The following L2HGDH variants were observed in gnomAD, a reference collection of about 807,000 sequenced individuals.
L2HGDH encodes the protein L-2-hydroxyglutarate dehydrogenase, mitochondrial.
Under a neutral mutation model 51.5 loss-of-function variants are expected in L2HGDH, and 34 were observed. The observed-to-expected ratio is 0.66, with a 90% CI of 0.50 to 0.88. The LOEUF is 0.88. Ranked by LOEUF, L2HGDH falls within the 40% of genes least tolerant of loss-of-function variation. The pLI is 0.00. For missense variants in L2HGDH, 558 were observed against 571.9 expected (o/e 0.98, Z 0.25); for synonymous variants, 198 against 197.9 (o/e 1.00, Z -0.01).
At position 50,302,180 on chromosome 14, in the gene L2HGDH, G is replaced by C; in HGVS notation, c.257-12C>G. 1 of 1,613,494 alleles carries C rather than the reference G, an allele frequency of 6.2e-7. No individual in the cohort carries two copies. Among genetic ancestry groups the C allele is most frequent in the Non-Finnish European group, 8.5e-7 (1 of 1,179,474 alleles). On this transcript the variant is annotated splice_polypyrimidine_tract_variant and intron_variant, in intron 2 of 9. Transcript: ENST00000267436. ...AGTCTGGTGAACAGCTACAGAACAA[G>C]AGAAACAGGGTAAGAGTAAGTACAT...
At chr14:50,256,874 C>G (rs534754351) in intron 9 of L2HGDH, among the ~76,000 whole-genome samples, 1 of 152,212 alleles carries the variant, frequency 6.6e-6, no homozygotes, top group Middle Eastern at 3.4e-3. Flanking sequence ...TGCCTCTTCT[C>G]AATTTCTCTG....
chr14:50,242,779 A>G lies in L2HGDH; in HGVS notation c.*4279T>C. ...AACTGACTTTACGATTACAACTCAA[A>G]AATGTTTACAAGATCTTTAGATAAT... On this transcript the variant is annotated 3_prime_UTR_variant, in exon 10 of 10. Transcript: ENST00000267436. The G allele has an allele frequency of 1.0e-6, 1 of 985,472 alleles. No individual in the cohort carries two copies. Among genetic ancestry groups the G allele is most frequent in the Non-Finnish European group, 1.2e-6 (1 of 829,944 alleles). 61.0% of individuals were successfully genotyped at this position (985,472 alleles called of 1,614,324 possible). A position where few individuals can be genotyped will look rare whatever the true frequency, so the allele number is the denominator to read the frequency against.
chr14:50,300,041 T>C (rs2030312588), intron 3 of L2HGDH: 1 of 152,160 alleles, frequency 6.6e-6, no homozygotes, highest in Admixed American at 6.5e-5. Flanking sequence ...GAGAGTGGAA[T>C]GGTGGTTACC....
rs767481066 is a variant in L2HGDH at position 50,283,987 on chromosome 14, C to G, written c.587G>C (p.Arg196Pro). Residue 196 changes from arginine to proline, a missense_variant, in exon 5 of 10, where the codon CGG (arginine) becomes CCG (proline). By Grantham distance (103) the Arg-to-Pro change is moderately radical. Around this residue, in one of 3 missense-constraint regions of L2HGDH, gnomAD observed 43 missense variants for 72.9 expected, o/e 0.59. Transcript: ENST00000267436. ...DCPHTGIVDY[R>P]QVALSFAQDF... ...CTGGGCAAATGACAAAGCCACCTGC[C>G]GATAGTCCACAATGCCAGTATGTGG... The G allele has an allele frequency of 1.9e-6, 3 of 1,614,046 alleles. No homozygotes were observed. Among genetic ancestry groups the G allele is most frequent in the East Asian group, 2.2e-5 (1 of 44,878 alleles).
intron 6 of L2HGDH, among the ~76,000 whole-genome samples, chr14:50,271,986 C>G (rs753116297): frequency 6.6e-6 from 1 of 152,032 alleles, no homozygotes; most frequent in Non-Finnish European, 1.5e-5. Context: ...ACTAAAAATA[C>G]AAAAATTAAC....
rs529872625 is a variant in L2HGDH at position 50,260,244 on chromosome 14, G to T, written c.1196+5114C>A. ...TTTTTTTCCAGACTTCCTTTCTTCT[G>T]AGGGTATAGCCTTTCAAGAGCCCCT... On this transcript the variant is annotated intron_variant, in intron 9 of 9. Coordinates refer to ENST00000267436, the MANE Select transcript of L2HGDH (RefSeq NM_024884.3). Among the ~76,000 whole-genome samples, 46 of 151,522 alleles carry T rather than the reference G, an allele frequency of 3.0e-4. 3 individuals carry two copies. Among genetic ancestry groups the T allele is most frequent in the Middle Eastern group, 3.8e-3 (1 of 260 alleles).
At chr14:50,248,655 C>G (rs1888150776) in intron 9 of L2HGDH, among the ~76,000 whole-genome samples, 1 of 152,158 alleles carries the variant, frequency 6.6e-6, no homozygotes, top group Non-Finnish European at 1.5e-5. Context: ...GTGATCTTCC[C>G]TATAGAATCC....
At chr14:50,294,333 A>G in intron 3 of L2HGDH, 87 bp from the exon 4 acceptor site, 1 of 1,367,498 alleles carries the variant, frequency 7.3e-7, no homozygotes, top group African/African-American at 1.4e-5. Flanking sequence ...ATCATCAACT[A>G]TTGTATGACC....
chr14:50,260,805 G>A (rs11157733), intron 9 of L2HGDH, among the ~76,000 whole-genome samples: 26,766 of 152,036 alleles, frequency 0.18, 2,512 homozygotes, highest in East Asian at 0.44. Context: ...ATGAGTAGAG[G>A]CTGGGGATGC....
intron 9 of L2HGDH, 75 bp downstream of exon 9, chr14:50,265,283 A>T: frequency 7.7e-7 from 1 of 1,300,916 alleles, no homozygotes; most frequent in Non-Finnish European, 1.1e-6. Context: ...GTACTTACTA[A>T]TCACCAAGTC....
At chr14:50,285,389 C>T (rs1279717949) in intron 4 of L2HGDH, among the ~76,000 whole-genome samples, 1 of 152,184 alleles carries the variant, frequency 6.6e-6, no homozygotes, top group Non-Finnish European at 1.5e-5. Context: ...TCATCATTTT[C>T]CTGACAGTCT....
rs1241021279 is a variant in L2HGDH, at chr14:50,312,189, G to A, written c.-39C>T. ...TCCCCTCCCTCAGCGCTCAGAAGAA[G>A]CCACTTGACCCTCCACGGCCGAGGA... On this transcript the variant is annotated 5_prime_UTR_variant, in exon 1 of 10. Transcript: ENST00000267436. 1.2e-6 allele frequency: 2 copies of A among 1,605,626 alleles called. No individual in the cohort carries two copies. The highest frequency in any genetic ancestry group is 1.7e-5 in the Admixed American group (1 of 59,604).
chr14:50,252,236 G>T (rs1344806530), intron 9 of L2HGDH, among the ~76,000 whole-genome samples: 1 of 151,934 alleles, frequency 6.6e-6, no homozygotes, highest in Non-Finnish European at 1.5e-5. Context: ...GTATTTGCAA[G>T]CCTCATGGTA....
Position 50,283,889 on chromosome 14 carries a change from G to A in L2HGDH, c.685C>T (p.Pro229Ser). 1.2e-6 allele frequency: 2 copies of A among 1,613,960 alleles called. No homozygotes were observed. Among genetic ancestry groups the A allele is most frequent in the Non-Finnish European group, 1.7e-6 (2 of 1,179,910 alleles). ...GGCTTACCATCTATACTTCTTGAAG[G>A]ACTTTCTTTAGCCATTTCAATACCT... ...VKGIEMAKESPSRSIDGMQYP... is the reference protein window; with the variant it reads ...VKGIEMAKESSSRSIDGMQYP... The change falls in exon 5 of 10, where the codon CCT becomes TCT. Residue 229 changes from proline (P) to serine (S), a missense_variant. Transcript: ENST00000267436.
At chr14:50,253,584 T>C (rs1378285289) in intron 9 of L2HGDH, among the ~76,000 whole-genome samples, 1 of 152,094 alleles carries the variant, frequency 6.6e-6, no homozygotes, top group Non-Finnish European at 1.5e-5. Context: ...ACACTGTTAA[T>C]AGAAATGTAA....
chr14:50,258,515 G>A (rs530299329), intron 9 of L2HGDH, among the ~76,000 whole-genome samples: 9 of 151,050 alleles, frequency 6.0e-5, no homozygotes, highest in African/African-American at 1.9e-4. Flanking sequence ...CAGCCACCAC[G>A]CCCAGTCTTA....
chr14:50,297,036 G>A (rs944078206), intron 3 of L2HGDH, among the ~76,000 whole-genome samples: 27 of 152,116 alleles, frequency 1.8e-4, no homozygotes, highest in African/African-American at 6.3e-4. Context: ...CTTGATAGAA[G>A]CAGAAAAGGC....
chr14:50,265,227 G>C (rs1249973109), intron 9 of L2HGDH, 131 bp downstream of exon 9: 1 of 741,526 alleles, frequency 1.3e-6, no homozygotes, highest in African/African-American at 1.7e-5. Context: ...TGTTGGGAAA[G>C]AAAGCAAACA....
At chr14:50,283,846 A>G in intron 5 of L2HGDH, 25 bp downstream of exon 5, 1 of 1,608,086 alleles carries the variant, frequency 6.2e-7, no homozygotes, top group Non-Finnish European at 8.5e-7. Flanking sequence ...GACTATATTC[A>G]ATAGAAAAGA....
Sources: gnomAD v4.1 joint callset for allele counts (sites outside exome capture counted in the v4.1 genomes callset) on GRCh38, gnomAD v4.1.1 for gene constraint, gnomAD v4.1.1 regional missense constraint, MANE v1.5 for transcripts, NCBI Gene and HGNC (gene_info 2026-07-23, HGNC 2026-07-21) for gene names.